Variants in TADA1 observed in about 807,000 individuals in gnomAD.
TADA1 encodes transcriptional adaptor 1.
Under a neutral mutation model 39.3 loss-of-function variants are expected in TADA1, and 23 were observed. That is an observed-to-expected ratio of 0.58 (90% confidence interval 0.42 to 0.83). The LOEUF is 0.83. TADA1 is among the 40% of genes least tolerant of loss of function. TADA1 has a pLI of 0.00. For missense variants in TADA1, 352 were observed against 408.1 expected, an observed-to-expected ratio of 0.86 and a Z score of 1.18; for synonymous variants, 137 against 151.8, an observed-to-expected ratio of 0.90 and a Z score of 0.72.
chr1:166,875,137 G>A (rs1218163989), intron 1 of TADA1, among the ~76,000 whole-genome samples: 2 of 152,194 alleles, frequency 1.3e-5, no homozygotes, highest in African/African-American at 2.4e-5. Flanking sequence ...TAGAATACCA[G>A]AGAAGCCATC....
At chr1:166,861,432 C>T (rs1557908255) in intron 5 of TADA1, among the ~76,000 whole-genome samples, 1 of 152,142 alleles carries the variant, frequency 6.6e-6, no homozygotes, top group Non-Finnish European at 1.5e-5. Flanking sequence ...TGTCACCTGA[C>T]CATACTCGTG....
intron 3 of TADA1, among the ~76,000 whole-genome samples, chr1:166,865,475 TAA>T (rs59460033): frequency 9.3e-5 from 13 of 139,440 alleles, no homozygotes; most frequent in African/African-American, 7.8e-5. Flanking sequence ...TGTTTAATGT[TAA>T]AAAAAAAAAA....
intron 1 of TADA1, among the ~76,000 whole-genome samples, chr1:166,872,628 T>C (rs1013017842): frequency 6.6e-6 from 1 of 151,290 alleles, no homozygotes; most frequent in African/African-American, 2.4e-5. Flanking sequence ...GCCGAGATAG[T>C]GCCATTGCAC....
Position 166,863,910 on chromosome 1 carries a change from A to T in TADA1, c.244T>A (p.Ser82Thr). Reference sequence around the variant, plus strand: ...GCGGAACCCCCTGGCCAAGGCAAAGATCCAGCACCATCTAGGAGACAGAAA... The same window carrying T: ...GCGGAACCCCCTGGCCAAGGCAAAGTTCCAGCACCATCTAGGAGACAGAAA... ...ILVSTPDGAG[S>T]LPWPGGSAAK... Residue 82 changes from serine (S) to threonine (T), a missense_variant, in exon 4 of 8, where the codon TCT (serine) becomes ACT (threonine). Physicochemically the swap from Ser to Thr is moderately conservative, Grantham distance 58. Around this residue, in one of 3 missense-constraint regions of TADA1, gnomAD observed 285 missense variants for 310.9 expected, o/e 0.92. Transcript: ENST00000367874. 1 of 1,608,226 alleles carries T rather than the reference A, an allele frequency of 6.2e-7. No individual in the cohort carries two copies. Among genetic ancestry groups the T allele is most frequent in the Non-Finnish European group, 8.5e-7 (1 of 1,178,710 alleles).
intron 3 of TADA1, among the ~76,000 whole-genome samples, chr1:166,865,609 C>G (rs1658511810): frequency 6.6e-6 from 1 of 151,872 alleles, no homozygotes; most frequent in Admixed American, 6.6e-5. Flanking sequence ...GTCAGGAGAT[C>G]AAGACCATCC....
chr1:166,871,730 C>G (rs1263676389), intron 1 of TADA1, among the ~76,000 whole-genome samples: 1 of 151,854 alleles, frequency 6.6e-6, no homozygotes, highest in Non-Finnish European at 1.5e-5. Flanking sequence ...ACAGTGGACA[C>G]TTTTATACAT....
In TADA1 at chr1:166,876,179, G is replaced by A. The variant is rs991902769; in HGVS notation, c.55C>T (p.Leu19=). Residue 19 remains leucine, a synonymous_variant, in exon 1 of 8, where the codon CTG becomes TTG. Transcript: ENST00000367874. The part of the protein sequence containing the change: ...EAAKKNLSEA[L]GDNVKQYWAN... ...TCTTACTGTTTCACGTTGTCCCCCA[G>A]GGCCTCGCTTAAGTTCTTCTTGGCC... 4 of 1,613,626 alleles carry A rather than the reference G, an allele frequency of 2.5e-6. No individual in the cohort carries two copies. The African/African-American group carries it at 4.0e-5, about 16-fold the overall frequency.
At chr1:166,867,972 A>G (rs1055133850) in intron 3 of TADA1, among the ~76,000 whole-genome samples, 6 of 152,218 alleles carry the variant, frequency 3.9e-5, no homozygotes, top group Non-Finnish European at 8.8e-5. Flanking sequence ...TCGATATATG[A>G]TCATCAGAAT....
chr1:166,860,347 T>A lies in TADA1; in HGVS notation c.541-10A>T. ...TATCTTTAAGGTGATTCTGTAAACATACAAAAAGAAAAATAGCATGATATC... is the reference window on the plus strand; with the variant it reads ...TATCTTTAAGGTGATTCTGTAAACAAACAAAAAGAAAAATAGCATGATATC... On this transcript the variant is annotated splice_polypyrimidine_tract_variant and intron_variant, in intron 5 of 7. Coordinates refer to ENST00000367874, the MANE Select transcript of TADA1 (RefSeq NM_053053.4). 2 of 1,576,812 alleles carry A rather than the reference T, an allele frequency of 1.3e-6. No individual in the cohort carries two copies. Among genetic ancestry groups the A allele is most frequent in the Non-Finnish European group, 1.7e-6 (2 of 1,162,646 alleles).
At chr1:166,865,680 G>A (rs1346212915) in intron 3 of TADA1, among the ~76,000 whole-genome samples, 2 of 151,836 alleles carry the variant, frequency 1.3e-5, no homozygotes, top group Non-Finnish European at 2.9e-5. Flanking sequence ...TTAGCCGGGC[G>A]TGGTGGTGGG....
At chr1:166,859,318 A>G (rs1049602272) in intron 6 of TADA1, among the ~76,000 whole-genome samples, 1 of 152,058 alleles carries the variant, frequency 6.6e-6, no homozygotes, top group Non-Finnish European at 1.5e-5. Flanking sequence ...TCCCAGTCAT[A>G]CATACTTTTT....
chr1:166,871,759 T>C (rs1349753678), intron 1 of TADA1, among the ~76,000 whole-genome samples: 2 of 151,970 alleles, frequency 1.3e-5, no homozygotes, highest in Non-Finnish European at 2.9e-5. Context: ...AGGACAGGAA[T>C]AATAATGAAA....
At chr1:166,866,713 C>T (rs1658542713) in intron 3 of TADA1, among the ~76,000 whole-genome samples, 1 of 151,854 alleles carries the variant, frequency 6.6e-6, no homozygotes. Flanking sequence ...CTTACGAATA[C>T]CACTTCAACA....
At chr1:166,875,692 C>T (rs911102796) in intron 1 of TADA1, among the ~76,000 whole-genome samples, 1 of 152,272 alleles carries the variant, frequency 6.6e-6, no homozygotes, top group Non-Finnish European at 1.5e-5. Context: ...GTCAAAAGAG[C>T]TTACCAATAA....
At chr1:166,870,784 A>G (rs571725241) in intron 1 of TADA1, among the ~76,000 whole-genome samples, 20 of 152,264 alleles carry the variant, frequency 1.3e-4, no homozygotes, top group Middle Eastern at 3.4e-3. Context: ...AGCCATGATC[A>G]CACCACTACA....
Position 166,869,466 on chromosome 1 carries a change from GA to G in TADA1, c.210del (p.Gln71ArgfsTer66). ...TTACCTGGTGTAGAAACCAAAATCT[GA>G]CAACGCGTGAGAATGGCCAGGAGGA... Reference protein sequence around the residue: ...NDFLLAILTRCQILVSTPDGA... With the variant: ...NDFLLAILTRXQILVSTPDGA... On this transcript the variant is annotated frameshift_variant, in exon 3 of 8. Transcript: ENST00000367874. LOFTEE classifies it high-confidence loss of function. 2 of 1,613,722 alleles carry G rather than the reference GA, an allele frequency of 1.2e-6. No homozygotes were observed. The highest frequency in any genetic ancestry group is 1.7e-6 in the Non-Finnish European group (2 of 1,179,734).
At chr1:166,858,800 C>T (rs778247002) in intron 6 of TADA1, among the ~76,000 whole-genome samples, 2 of 152,174 alleles carry the variant, frequency 1.3e-5, no homozygotes, top group African/African-American at 2.4e-5. Flanking sequence ...ATGCTGAGGA[C>T]GTATCTAGAG....
At position 166,869,512 on chromosome 1, in the gene TADA1, T is replaced by G; in HGVS notation, c.167-2A>C. 2 of 1,613,470 alleles carry G rather than the reference T, an allele frequency of 1.2e-6. No homozygotes were observed. Among genetic ancestry groups the G allele is most frequent in the Non-Finnish European group, 1.7e-6 (2 of 1,179,552 alleles). On this transcript the variant is annotated splice_acceptor_variant, in intron 2 of 7. Transcript: ENST00000367874. LOFTEE classifies it high-confidence loss of function. ...GGAGGAAATCATTGTGAGAATGGACTGAAAAAGGAAAGATAGTGACAATCA... is the reference window on the plus strand; with the variant it reads ...GGAGGAAATCATTGTGAGAATGGACGGAAAAAGGAAAGATAGTGACAATCA...
intron 6 of TADA1, among the ~76,000 whole-genome samples, chr1:166,859,390 G>A (rs568815362): frequency 5.3e-5 from 8 of 152,174 alleles, no homozygotes; most frequent in Admixed American, 2.0e-4. Flanking sequence ...AACCAGATAC[G>A]CAAAGTCCAG....
Sources: allele counts gnomAD v4.1 joint callset (sites outside exome capture counted in the v4.1 genomes callset), GRCh38; gene constraint gnomAD v4.1.1; regional missense constraint gnomAD v4.1.1; transcripts MANE v1.5; gene names NCBI Gene and HGNC (gene_info 2026-07-23, HGNC 2026-07-21).